Variants in GRM7 observed in about 807,000 individuals in gnomAD.
GRM7 encodes the protein metabotropic glutamate receptor 7.
In GRM7, 35 loss-of-function variants were observed where a neutral mutation model predicts 84.5. The observed-to-expected ratio is 0.41, with a 90% confidence interval of 0.32 to 0.55. The LOEUF is 0.55. Among genes scored for constraint, GRM7 ranks in the 20% least tolerant of loss-of-function variants. The pLI, the probability that GRM7 is intolerant of heterozygous loss-of-function variation, is 0.19. For synonymous variants in GRM7, 487 were observed against 455.1 expected (o/e 1.07, Z -0.89); for missense variants, 1,003 against 1,194.6 (o/e 0.84, Z 2.36).
At chr3:7,030,673 G>A (rs1253513811) in intron 1 of GRM7, among the ~76,000 whole-genome samples, 2 of 152,162 alleles carry the variant, frequency 1.3e-5, no homozygotes, top group Non-Finnish European at 2.9e-5. Context: ...GGCTTTAGGA[G>A]ATAGAATGCA....
intron 1 of GRM7, among the ~76,000 whole-genome samples, chr3:7,021,450 A>G (rs17046600): frequency 0.015 from 2,288 of 152,294 alleles, 55 homozygotes; most frequent in African/African-American, 0.051. Flanking sequence ...TGCTTTCCTC[A>G]CCTAGAAAAG....
At chr3:7,020,774 G>C (rs1474591190) in intron 1 of GRM7, among the ~76,000 whole-genome samples, 1 of 151,886 alleles carries the variant, frequency 6.6e-6, no homozygotes, top group Non-Finnish European at 1.5e-5. Flanking sequence ...AATTTTTTTA[G>C]AGTTCCTACT....
intron 4 of GRM7, among the ~76,000 whole-genome samples, chr3:7,366,795 C>G (rs2125112045): frequency 6.6e-6 from 1 of 151,916 alleles, no homozygotes; most frequent in East Asian, 1.9e-4. Flanking sequence ...TCACTCTACT[C>G]TCTTATCAGT....
chr3:7,160,071 C>CA (rs1694576895), intron 2 of GRM7, among the ~76,000 whole-genome samples: 2 of 152,082 alleles, frequency 1.3e-5, no homozygotes, highest in Non-Finnish European at 2.9e-5. Context: ...TAAAGGCACA[C>CA]AAACTTTACA....
chr3:7,737,843 A>ATTTT (rs35087158), intron 9 of GRM7, among the ~76,000 whole-genome samples: 1 of 134,470 alleles, frequency 7.4e-6, no homozygotes, highest in Non-Finnish European at 1.6e-5. Flanking sequence ...TATTCTCCCA[A>ATTTT]TTTTTTTTTT....
intron 9 of GRM7, among the ~76,000 whole-genome samples, chr3:7,738,080 CT>C (rs1241873994): frequency 1.3e-5 from 2 of 152,040 alleles, no homozygotes; most frequent in Non-Finnish European, 2.9e-5. Flanking sequence ...AACTTCTGAC[CT>C]CTGATGATCC....
rs570819299 is a variant in GRM7 at position 7,228,297 on chromosome 3, G to A, written c.737-70387G>A. 6.0e-4 allele frequency among the ~76,000 whole-genome samples: 92 copies of A among 152,174 alleles called. 1 individual carries two copies. The South Asian group carries it at 0.016, about 26-fold the overall frequency. On this transcript the variant is annotated intron_variant, in intron 2 of 9. Transcript: ENST00000357716. ...ACAGATATGTTTAAGGTAAACGGCCGTTTATTTTTTAGTTATAGTTCATTG... is the reference window on the plus strand; with the variant it reads ...ACAGATATGTTTAAGGTAAACGGCCATTTATTTTTTAGTTATAGTTCATTG...
chr3:7,059,792 G>T (rs1041440584), intron 1 of GRM7, among the ~76,000 whole-genome samples: 3 of 151,746 alleles, frequency 2.0e-5, no homozygotes, highest in African/African-American at 7.2e-5. Context: ...TCTGCCATGT[G>T]AGAACTCAGC....
intron 1 of GRM7, among the ~76,000 whole-genome samples, chr3:7,053,225 C>T (rs1450447043): frequency 6.7e-6 from 1 of 149,020 alleles, no homozygotes; most frequent in African/African-American, 2.5e-5. Context: ...TATTCAAATC[C>T]TTTTTTTTTA....
chr3:7,739,728 T>G (rs1198957437), intron 9 of GRM7, among the ~76,000 whole-genome samples: 3 of 152,134 alleles, frequency 2.0e-5, no homozygotes, highest in Non-Finnish European at 4.4e-5. Flanking sequence ...CTGTACCAAG[T>G]AGAAAAATAA....
At chr3:7,069,972 C>A (rs1263614790) in intron 1 of GRM7, among the ~76,000 whole-genome samples, 2 of 152,054 alleles carry the variant, frequency 1.3e-5, no homozygotes, top group African/African-American at 4.8e-5. Flanking sequence ...CACCTATTTA[C>A]TATATAGTAT....
chr3:7,208,762 T>C (rs563644079), intron 2 of GRM7, among the ~76,000 whole-genome samples: 18 of 152,230 alleles, frequency 1.2e-4, no homozygotes, highest in Non-Finnish European at 2.2e-4. Context: ...CATACTGCTC[T>C]GCAATTTGCC....
intron 1 of GRM7, among the ~76,000 whole-genome samples, chr3:6,966,588 A>C (rs4686103): frequency 0.061 from 9,235 of 152,264 alleles, 544 homozygotes; most frequent in African/African-American, 0.15. Flanking sequence ...GTCTTCTTAT[A>C]CTTACCTTGC....
chr3:7,498,174 T>A (rs1699767292), intron 7 of GRM7, among the ~76,000 whole-genome samples: 1 of 152,186 alleles, frequency 6.6e-6, no homozygotes, highest in Non-Finnish European at 1.5e-5. Context: ...CAAGTAAACC[T>A]TGCCTCCCTT....
intron 7 of GRM7, among the ~76,000 whole-genome samples, chr3:7,463,429 T>G (rs1698330517): frequency 1.3e-5 from 2 of 152,286 alleles, no homozygotes; most frequent in African/African-American, 4.8e-5. Context: ...TTCAACAAGT[T>G]TTTGTTGTTT....
In GRM7 at chr3:7,665,851, C is replaced by G. The variant is rs1699675488; in HGVS notation, c.2452-14198C>G. On this transcript the variant is annotated intron_variant, in intron 8 of 9. Coordinates refer to ENST00000357716, the MANE Select transcript of GRM7 (RefSeq NM_000844.4). ...CTATGTGTATTTAAGACTCTAAATC[C>G]ACCCGTTATATATTTACACCTCAAA... Among the ~76,000 whole-genome samples, 2 of 152,214 alleles carry G rather than the reference C, an allele frequency of 1.3e-5. 1 individual carries two copies. The highest frequency in any genetic ancestry group is 4.2e-4 in the South Asian group (2 of 4,812).
intron 1 of GRM7, among the ~76,000 whole-genome samples, chr3:6,957,564 G>T (rs1209560859): frequency 6.6e-6 from 1 of 152,136 alleles, no homozygotes; most frequent in Non-Finnish European, 1.5e-5. Flanking sequence ...TTGTTTTACT[G>T]GTTTCTGCAT....
intron 1 of GRM7, among the ~76,000 whole-genome samples, chr3:6,965,547 C>T (rs1385519385): frequency 6.6e-6 from 1 of 151,850 alleles, no homozygotes; most frequent in African/African-American, 2.4e-5. Flanking sequence ...GTTGCCCAGG[C>T]TGGTCTTGCA....
intron 2 of GRM7, among the ~76,000 whole-genome samples, chr3:7,252,333 T>C (rs904749684): frequency 6.6e-6 from 1 of 152,190 alleles, no homozygotes; most frequent in African/African-American, 2.4e-5. Flanking sequence ...AGCCCTCAAG[T>C]CCTTCCAGAT....
Sources: gnomAD v4.1 joint callset for allele counts (sites outside exome capture counted in the v4.1 genomes callset) on GRCh38, gnomAD v4.1.1 for gene constraint, MANE v1.5 for transcripts, NCBI Gene and HGNC (gene_info 2026-07-23, HGNC 2026-07-21) for gene names.